Variants in CALN1 observed in about 807,000 individuals in gnomAD.
CALN1 encodes the protein calcium-binding protein 8.
Under a neutral mutation model 30.6 loss-of-function variants are expected in CALN1, and 17 were observed. That is an observed-to-expected ratio of 0.56 (90% CI 0.38 to 0.83). The LOEUF (loss-of-function observed/expected upper bound fraction) is 0.83. Among genes scored for constraint, CALN1 ranks in the 40% least tolerant of loss-of-function variants. CALN1 has a pLI of 0.00. For synonymous variants in CALN1, 156 were observed against 131.4 expected (o/e 1.19, Z -1.28); for missense variants, 291 against 354.9 (o/e 0.82, Z 1.45).
rs377134799 is a variant in CALN1 at position 71,924,124 on chromosome 7, C to T, written c.501+99533G>A. On this transcript the variant is annotated intron_variant, in intron 5 of 6. Coordinates refer to ENST00000395275, the MANE Select transcript of CALN1 (RefSeq NM_031468.4). The stretch of plus-strand genomic sequence containing the variant: ...AGGAGAATCGCTTGAACCCAGGAGG[C>T]GAAGGTTGCAGTGAGCCGAAATTGC... Among the ~76,000 whole-genome samples the T allele has an allele frequency of 7.6e-5, 11 of 144,468 alleles. No homozygotes were observed. The South Asian group carries it at 8.6e-4, about 11-fold the overall frequency. 94.8% of individuals were successfully genotyped at this position (144,468 alleles called of 152,430 possible). A position where few individuals can be genotyped will look rare whatever the true frequency, so the allele number is the denominator to read the frequency against.
chr7:71,913,075 C>G (rs529923564), intron 5 of CALN1, among the ~76,000 whole-genome samples: 2 of 152,122 alleles, frequency 1.3e-5, no homozygotes, highest in Non-Finnish European at 2.9e-5. Flanking sequence ...TTATCTACTT[C>G]GTCAACTTTA....
intron 5 of CALN1, among the ~76,000 whole-genome samples, chr7:71,929,146 A>T (rs913544455): frequency 6.6e-6 from 1 of 152,154 alleles, no homozygotes; most frequent in Non-Finnish European, 1.5e-5. Context: ...TTTAAGTTCA[A>T]GGGTACATGT....
intron 2 of CALN1, among the ~76,000 whole-genome samples, chr7:72,324,022 T>C (rs538481747): frequency 7.2e-5 from 11 of 152,134 alleles, no homozygotes; most frequent in African/African-American, 2.7e-4. Flanking sequence ...AGTGAGACTC[T>C]GGGTTTTTTG....
At chr7:72,197,538 G>A (rs570759007) in intron 3 of CALN1, among the ~76,000 whole-genome samples, 183 of 152,244 alleles carry the variant, frequency 1.2e-3, no homozygotes, top group Non-Finnish European at 1.3e-3. Context: ...TATGGCCGAA[G>A]AATGTGGCCT....
chr7:72,403,250 C>T lies in CALN1; in HGVS notation c.119+1G>A, dbSNP rs1034014808. The T allele has an allele frequency of 3.2e-6, 5 of 1,547,986 alleles. No homozygotes were observed. The highest frequency in any genetic ancestry group is 4.4e-6 in the Non-Finnish European group (5 of 1,146,242). On this transcript the variant is annotated splice_donor_variant, in intron 2 of 6. Coordinates refer to ENST00000395275, the MANE Select transcript of CALN1 (RefSeq NM_031468.4). LOFTEE classifies it high-confidence loss of function. ...CTTGGGTTTGGGGGAAGAAGACTTG[C>T]CAGGTGGGGAAGTCGGGGGCCTGGC...
intron 5 of CALN1, among the ~76,000 whole-genome samples, chr7:71,878,401 C>CAA (rs113054224): frequency 3.2e-4 from 41 of 126,398 alleles, no homozygotes; most frequent in East Asian, 2.6e-3. Context: ...GACCCTGTCT[C>CAA]AAAAAAAAAA....
intron 4 of CALN1, among the ~76,000 whole-genome samples, chr7:72,054,506 T>TAC (rs1803102248): frequency 5.2e-5 from 6 of 115,030 alleles, no homozygotes; most frequent in East Asian, 4.0e-4. Context: ...TATACATATA[T>TAC]ATACATATAT....
chr7:72,455,319 A>ATGTGTG, the CALN1 span, among the ~76,000 whole-genome samples: 5 of 132,376 alleles, frequency 3.8e-5, no homozygotes, highest in East Asian at 4.8e-4. Context: ...ATATATATAT[A>ATGTGTG]TATGTGTGTG....
chr7:71,930,049 A>C (rs1171231621), intron 5 of CALN1, among the ~76,000 whole-genome samples: 1 of 152,212 alleles, frequency 6.6e-6, no homozygotes, highest in Non-Finnish European at 1.5e-5. Flanking sequence ...GATTACTTAC[A>C]ATACCGAATG....
intron 2 of CALN1, among the ~76,000 whole-genome samples, chr7:72,348,367 G>A (rs1229285350): frequency 1.3e-5 from 2 of 152,212 alleles, no homozygotes; most frequent in Non-Finnish European, 2.9e-5. Context: ...GGAAAAGGAA[G>A]CCAAACAGAA....
At chr7:71,800,941 G>C (rs1473624224) in intron 6 of CALN1, among the ~76,000 whole-genome samples, 1 of 152,150 alleles carries the variant, frequency 6.6e-6, no homozygotes, top group Non-Finnish European at 1.5e-5. Flanking sequence ...GCATGCATTA[G>C]CTATTTATCC....
intron 1 of CALN1, among the ~76,000 whole-genome samples, chr7:72,421,370 A>C (rs895087988): frequency 6.6e-6 from 1 of 152,106 alleles, no homozygotes; most frequent in Non-Finnish European, 1.5e-5. Flanking sequence ...TGGAAAACCG[A>C]AAGAATAATT....
intron 3 of CALN1, among the ~76,000 whole-genome samples, chr7:72,152,636 C>T (rs180957639): frequency 3.9e-5 from 6 of 152,132 alleles, no homozygotes; most frequent in African/African-American, 7.2e-5. Context: ...AGATGTTTCC[C>T]GGCCAAAGCT....
At chr7:72,498,993 A>C in the CALN1 span, among the ~76,000 whole-genome samples, 1 of 152,178 alleles carries the variant, frequency 6.6e-6, no homozygotes, top group Non-Finnish European at 1.5e-5. Flanking sequence ...AAAAGGAATT[A>C]GTTAATATTG....
chr7:72,171,641 C>G (rs924496804), intron 3 of CALN1, among the ~76,000 whole-genome samples: 3 of 151,996 alleles, frequency 2.0e-5, no homozygotes, highest in Admixed American at 2.0e-4. Flanking sequence ...ACATCCAGGA[C>G]TAACATGTGA....
intron 5 of CALN1, among the ~76,000 whole-genome samples, chr7:71,846,366 A>G (rs953951974): frequency 1.3e-5 from 2 of 152,122 alleles, no homozygotes; most frequent in African/African-American, 2.4e-5. Flanking sequence ...GGCGCTGTCC[A>G]TGGTCATGAA....
At chr7:72,024,459 C>T (rs866561990) in intron 4 of CALN1, among the ~76,000 whole-genome samples, 3 of 152,106 alleles carry the variant, frequency 2.0e-5, no homozygotes, top group South Asian at 2.1e-4. Context: ...AGTGCAATGG[C>T]GTGATCTCGG....
chr7:72,308,845 C>A (rs531171968), intron 2 of CALN1, among the ~76,000 whole-genome samples: 1 of 152,278 alleles, frequency 6.6e-6, no homozygotes, highest in Non-Finnish European at 1.5e-5. Flanking sequence ...CTAGAAGCTT[C>A]CCTGGGGATC....
chr7:71,826,731 G>A (rs17144015), intron 5 of CALN1, among the ~76,000 whole-genome samples: 4,800 of 152,194 alleles, frequency 0.032, 263 homozygotes, highest in African/African-American at 0.11. Flanking sequence ...TACAGGTCTC[G>A]CCCAATGTGG....
Sources: allele counts gnomAD v4.1 joint callset (sites outside exome capture counted in the v4.1 genomes callset), GRCh38; gene constraint gnomAD v4.1.1; transcripts MANE v1.5; gene names NCBI Gene and HGNC (gene_info 2026-07-23, HGNC 2026-07-21).